Variants in AGO2 observed in about 807,000 individuals in gnomAD.
AGO2 encodes argonaute RISC catalytic component 2, also known as protein argonaute-2.
In AGO2, 5 loss-of-function variants were observed where a neutral mutation model predicts 102.3. That is an observed-to-expected ratio of 0.05 (90% CI 0.03 to 0.10). The LOEUF (loss-of-function observed/expected upper bound fraction) is 0.10. AGO2 is among the 10% of genes least tolerant of loss of function. AGO2 has a pLI of 1.00. For missense variants in AGO2, 541 were observed against 1,183.7 expected, an observed-to-expected ratio of 0.46 and a Z score of 7.97; for synonymous variants, 449 against 473.1, an observed-to-expected ratio of 0.95 and a Z score of 0.66.
At chr8:140,624,653 C>A (rs991960022) in intron 1 of AGO2, among the ~76,000 whole-genome samples, 1 of 152,244 alleles carries the variant, frequency 6.6e-6, no homozygotes, top group Non-Finnish European at 1.5e-5. Flanking sequence ...ACATCCACAC[C>A]AGTGAGCAAC....
At chr8:140,553,472 C>T (rs1313121686) in intron 10 of AGO2, among the ~76,000 whole-genome samples, 5 of 147,906 alleles carry the variant, frequency 3.4e-5, no homozygotes, top group Non-Finnish European at 7.4e-5. Flanking sequence ...TGCAATGGCA[C>T]GATCTTGGCT....
At chr8:140,621,659 T>G (rs1364332321) in intron 1 of AGO2, among the ~76,000 whole-genome samples, 1 of 152,192 alleles carries the variant, frequency 6.6e-6, no homozygotes, top group African/African-American at 2.4e-5. Context: ...CATGAAGAAA[T>G]GAACACATCT....
At chr8:140,602,969 T>C (rs1157952071) in intron 1 of AGO2, among the ~76,000 whole-genome samples, 4 of 152,264 alleles carry the variant, frequency 2.6e-5, no homozygotes, top group African/African-American at 9.6e-5. Context: ...CGACGATGCC[T>C]GCACGCATTT....
At chr8:140,597,890 T>C (rs553312713) in intron 1 of AGO2, among the ~76,000 whole-genome samples, 4 of 152,340 alleles carry the variant, frequency 2.6e-5, no homozygotes, top group East Asian at 1.9e-4. Context: ...CACCGGGCTG[T>C]TGCGTCATCT....
At chr8:140,570,034 C>T (rs900185218) in intron 3 of AGO2, among the ~76,000 whole-genome samples, 40 of 152,206 alleles carry the variant, frequency 2.6e-4, no homozygotes, top group Admixed American at 2.0e-3. Context: ...GGACACGATG[C>T]GAGAAGATGG....
At chr8:140,545,869 G>GGCCCCAGCTC (rs2072890823) in intron 13 of AGO2, among the ~76,000 whole-genome samples, 1 of 152,176 alleles carries the variant, frequency 6.6e-6, no homozygotes, top group Non-Finnish European at 1.5e-5. Flanking sequence ...TGCCTCCGAC[G>GGCCCCAGCTC]GCCCCAGCTC....
chr8:140,597,821 G>A (rs1224664467), intron 1 of AGO2, among the ~76,000 whole-genome samples: 1 of 152,220 alleles, frequency 6.6e-6, no homozygotes, highest in Non-Finnish European at 1.5e-5. Context: ...CAGCGAGGCA[G>A]CAAAATCCAT....
In AGO2 at chr8:140,540,281, C is replaced by T. The variant is rs80048935; in HGVS notation, c.2035-827G>A. 9.0e-4 allele frequency among the ~76,000 whole-genome samples: 137 copies of T among 152,300 alleles called. No homozygotes were observed. The East Asian group carries it at 0.023, about 25-fold the overall frequency. On this transcript the variant is annotated intron_variant, in intron 15 of 18. Transcript: ENST00000220592. The surrounding 1 kb of genome is among the most constrained non-coding windows in gnomAD (Gnocchi z 5.0). The stretch of plus-strand genomic sequence containing the variant: ...GGGGAGGCTGGGCTGCGTGCCATCC[C>T]GCCTCCTGATCAAGGCCGGGGAGTT...
Position 140,560,457 on chromosome 8 carries a change from G to A in AGO2, c.572C>T (p.Pro191Leu). The change falls in exon 5 of 19, where the codon CCT (proline) becomes CTT (leucine). Residue 191 changes from proline (P) to leucine (L), a missense_variant. Physicochemically the swap from Pro to Leu is moderately conservative, Grantham distance 98 (BLOSUM62 -3). Transcript: ENST00000220592. ...FFTASEGCSNPLGGGREVWFG... is the reference protein window; with the variant it reads ...FFTASEGCSNLLGGGREVWFG... ...CCACACTTCTCGGCCCCCGCCAAGAGGGTTAGAGCAGCCTTCGGACGCGGT... is the reference window on the plus strand; with the variant it reads ...CCACACTTCTCGGCCCCCGCCAAGAAGGTTAGAGCAGCCTTCGGACGCGGT... The A allele has an allele frequency of 6.2e-7, 1 of 1,614,276 alleles. No individual in the cohort carries two copies. Among genetic ancestry groups the A allele is most frequent in the Non-Finnish European group, 8.5e-7 (1 of 1,180,052 alleles).
rs1212453437 is a variant in AGO2 at position 140,552,732 on chromosome 8, G to GCGCA, written c.1270-1297_1270-1296insTGCG. On this transcript the variant is annotated intron_variant, in intron 10 of 18. Coordinates refer to ENST00000220592, the MANE Select transcript of AGO2 (RefSeq NM_012154.5). ...CACATGAACACACGCACATGCACGC[G>GCGCA]CGCGCGCGCACACACACACACACAC... Among the ~76,000 whole-genome samples, 25 of 121,104 alleles carry GCGCA rather than the reference G, an allele frequency of 2.1e-4. No individual in the cohort carries two copies. The East Asian group carries it at 4.0e-3, about 19-fold the overall frequency. The allele number at this position is 121,104 out of a possible 152,430, so 79.4% of individuals were successfully genotyped here.
At chr8:140,574,386 C>A (rs987731673) in intron 2 of AGO2, among the ~76,000 whole-genome samples, 1 of 152,072 alleles carries the variant, frequency 6.6e-6, no homozygotes, top group Non-Finnish European at 1.5e-5. Flanking sequence ...CCCAGCCTCC[C>A]AAGCGGCCGG....
intron 1 of AGO2, among the ~76,000 whole-genome samples, chr8:140,624,082 C>T (rs548368484): frequency 6.6e-6 from 1 of 152,142 alleles, no homozygotes; most frequent in East Asian, 1.9e-4. Context: ...TGGACCGTCC[C>T]CTCCTGGGTT....
Position 140,539,506 on chromosome 8 carries a change from G to A in AGO2, c.2035-52C>T, listed in dbSNP as rs533532685. ...TGCTTAAAGATGGTAGTGCATGTGA[G>A]CAACGGTCCCACGTGCGGGTTCTGG... On this transcript the variant is annotated intron_variant, in intron 15 of 18. Transcript: ENST00000220592. This position sits in a 1 kb window ranked among gnomAD's most constrained non-coding sequence, Gnocchi z 4.7. 2.6e-6 allele frequency: 4 copies of A among 1,568,224 alleles called. No homozygotes were observed. Among genetic ancestry groups the A allele is most frequent in the Non-Finnish European group, 3.5e-6 (4 of 1,153,184 alleles).
At chr8:140,532,870 C>T (rs945086309) in intron 17 of AGO2, among the ~76,000 whole-genome samples, 7 of 152,020 alleles carry the variant, frequency 4.6e-5, no homozygotes, top group South Asian at 4.2e-4. Context: ...TTGTGGCATG[C>T]GCCTGTAGTC....
At chr8:140,639,413 G>A (rs1271103502), upstream of AGO2, among the ~76,000 whole-genome samples, 3 of 151,096 alleles carry the variant, frequency 2.0e-5, no homozygotes, top group East Asian at 1.9e-4. Context: ...CCTGGGAGGC[G>A]GAGGTCGCAG....
intron 1 of AGO2, among the ~76,000 whole-genome samples, chr8:140,630,854 T>A (rs1010323875): frequency 6.6e-6 from 1 of 152,178 alleles, no homozygotes; most frequent in African/African-American, 2.4e-5. Flanking sequence ...ACACTCTGCG[T>A]AACAGCCTGG....
Position 140,532,063 on chromosome 8 carries a change from C to T in AGO2, c.2561G>A (p.Arg854His), listed in dbSNP as rs756991172. 5.0e-6 allele frequency: 8 copies of T among 1,613,996 alleles called. No homozygotes were observed. Among genetic ancestry groups the T allele is most frequent in the Admixed American group, 1.7e-5 (1 of 59,990 alleles). Residue 854 changes from arginine (R) to histidine (H), a missense_variant, in exon 19 of 19, where the codon CGC becomes CAC. Physicochemically the swap from Arg to His is conservative, Grantham distance 29 (BLOSUM62 0). This residue lies in a region of AGO2 where 309 missense variants were observed against 735.1 expected (regional missense o/e 0.42). Coordinates refer to ENST00000220592, the MANE Select transcript of AGO2 (RefSeq NM_012154.5). ...AACATGTCAAGCAAAGTACATGGTG[C>T]GCAGAGTGTCTTGGTGAACCTGGAC... ...KAVQVHQDTL[R>H]TMYFA
At chr8:140,550,028 T>C (rs1459118505) in intron 11 of AGO2, among the ~76,000 whole-genome samples, 1 of 152,182 alleles carries the variant, frequency 6.6e-6, no homozygotes, top group Non-Finnish European at 1.5e-5. Flanking sequence ...TCCACCCATA[T>C]CTTCAGCTCC....
At chr8:140,543,589 G>A (rs1311525858) in intron 14 of AGO2, among the ~76,000 whole-genome samples, 1 of 152,180 alleles carries the variant, frequency 6.6e-6, no homozygotes, top group Non-Finnish European at 1.5e-5. Flanking sequence ...CTAGGTAGCA[G>A]GAACTACAGG....
Sources: gnomAD v4.1 joint callset for allele counts (sites outside exome capture counted in the v4.1 genomes callset) on GRCh38, gnomAD v4.1.1 for gene constraint, gnomAD v4.1.1 regional missense constraint, Gnocchi (gnomAD v3.1) non-coding constraint, MANE v1.5 for transcripts, NCBI Gene and HGNC (gene_info 2026-07-23, HGNC 2026-07-21) for gene names.